The following CNTNAP2 variants were observed in gnomAD, a reference collection of about 807,000 sequenced individuals.
The protein encoded by CNTNAP2 is contactin associated protein 2, also known as contactin-associated protein-like 2.
CNTNAP2 carries 98 observed loss-of-function variants against 155.2 expected under a neutral mutation model. That is an observed-to-expected ratio of 0.63 (90% confidence interval 0.54 to 0.75). The LOEUF (loss-of-function observed/expected upper bound fraction) is 0.75, where lower values mean the gene tolerates loss of function less well. Ranked by LOEUF, CNTNAP2 falls within the 30% of genes least tolerant of loss-of-function variation. The pLI is 0.00. For synonymous variants in CNTNAP2, 651 were observed against 631.2 expected, an observed-to-expected ratio of 1.03 and a Z score of -0.47; for missense variants, 1,727 against 1,688.1, an observed-to-expected ratio of 1.02 and a Z score of -0.40.
chr7:146,580,642 G>A (rs928610414), intron 1 of CNTNAP2, among the ~76,000 whole-genome samples: 15 of 151,990 alleles, frequency 9.9e-5, no homozygotes, highest in South Asian at 6.2e-4. Context: ...TGTATGTTTC[G>A]TCTTAATATA....
At chr7:147,658,569 C>T (rs993606692) in intron 13 of CNTNAP2, among the ~76,000 whole-genome samples, 1 of 152,156 alleles carries the variant, frequency 6.6e-6, no homozygotes, top group Non-Finnish European at 1.5e-5. Context: ...AAGGACTGGA[C>T]ACTTCTGTTC....
At chr7:146,642,716 T>C (rs2129161652) in intron 1 of CNTNAP2, among the ~76,000 whole-genome samples, 1 of 152,242 alleles carries the variant, frequency 6.6e-6, no homozygotes, top group South Asian at 2.1e-4. Flanking sequence ...TAGTTCTAGA[T>C]CTCTGAGGAA....
chr7:146,881,237 T>G (rs17170287), intron 3 of CNTNAP2, among the ~76,000 whole-genome samples: 36,888 of 152,012 alleles, frequency 0.24, 5,140 homozygotes, highest in East Asian at 0.42. Context: ...TGTATTGGTT[T>G]TCTCAAGAAT....
At chr7:146,606,337 AT>A (rs1188237808) in intron 1 of CNTNAP2, among the ~76,000 whole-genome samples, 1 of 152,160 alleles carries the variant, frequency 6.6e-6, no homozygotes, top group Non-Finnish European at 1.5e-5. Flanking sequence ...ACATCAAGAC[AT>A]TTTCATGTAG....
chr7:148,126,840 A>G (rs537105514), intron 16 of CNTNAP2, among the ~76,000 whole-genome samples: 12 of 152,300 alleles, frequency 7.9e-5, no homozygotes, highest in African/African-American at 2.9e-4. Flanking sequence ...GAATAGGCCA[A>G]CTGTTCGCCT....
intron 1 of CNTNAP2, among the ~76,000 whole-genome samples, chr7:146,203,118 T>C (rs1462824339): frequency 1.3e-5 from 2 of 151,844 alleles, no homozygotes; most frequent in Non-Finnish European, 2.9e-5. Context: ...TGTGACCAAG[T>C]GAGCTTGGGT....
At chr7:146,853,615 C>T (rs754713209) in intron 3 of CNTNAP2, among the ~76,000 whole-genome samples, 1 of 152,160 alleles carries the variant, frequency 6.6e-6, no homozygotes, top group Admixed American at 6.5e-5. Flanking sequence ...ATTACTGTAA[C>T]AAGATCCTGA....
chr7:146,311,833 A>G (rs1023004585), intron 1 of CNTNAP2: 6 of 151,224 alleles, frequency 4.0e-5, no homozygotes, highest in African/African-American at 1.5e-4. Flanking sequence ...ATATATATAT[A>G]TATTAGATTT....
chr7:147,993,866 C>T (rs1158314445), intron 15 of CNTNAP2, among the ~76,000 whole-genome samples: 1 of 152,092 alleles, frequency 6.6e-6, no homozygotes, highest in Non-Finnish European at 1.5e-5. Flanking sequence ...GCCAGGCCTC[C>T]TTCCTACCTG....
intron 1 of CNTNAP2, among the ~76,000 whole-genome samples, chr7:146,615,905 T>G (rs944311199): frequency 6.6e-6 from 1 of 152,230 alleles, no homozygotes; most frequent in African/African-American, 2.4e-5. Flanking sequence ...ATCATACCAG[T>G]GCTTCCCTTG....
chr7:148,375,771 G>GATCGCATAAT (rs1165058242), intron 21 of CNTNAP2, among the ~76,000 whole-genome samples: 1 of 86,450 alleles, frequency 1.2e-5, no homozygotes, highest in Non-Finnish European at 2.9e-5. Context: ...GAGGCAGGTG[G>GATCGCATAAT]ATCACGAGGT....
chr7:147,058,582 G>A (rs1450643272), intron 4 of CNTNAP2, among the ~76,000 whole-genome samples: 2 of 151,996 alleles, frequency 1.3e-5, no homozygotes, highest in East Asian at 3.9e-4. Flanking sequence ...CACCTCAAAG[G>A]GTTCTTTTTT....
intron 1 of CNTNAP2, among the ~76,000 whole-genome samples, chr7:146,680,184 T>A (rs1800477372): frequency 6.6e-6 from 1 of 152,196 alleles, no homozygotes; most frequent in Non-Finnish European, 1.5e-5. Flanking sequence ...ATGAATTAGG[T>A]GATTTTGTCA....
At chr7:147,083,635 G>A (rs1177173732) in intron 4 of CNTNAP2, among the ~76,000 whole-genome samples, 2 of 143,214 alleles carry the variant, frequency 1.4e-5, no homozygotes, top group East Asian at 2.0e-4. Context: ...ATCTGTATGT[G>A]TGTATATATC....
chr7:147,634,524 C>A (rs1189191234), intron 12 of CNTNAP2, among the ~76,000 whole-genome samples: 2 of 151,744 alleles, frequency 1.3e-5, no homozygotes, highest in Admixed American at 6.6e-5. Context: ...ATGGGTGCAC[C>A]AAAATCTCAG....
intron 8 of CNTNAP2, among the ~76,000 whole-genome samples, chr7:147,204,924 C>T (rs145945402): frequency 2.3e-3 from 350 of 152,138 alleles, no homozygotes; most frequent in African/African-American, 8.1e-3. Flanking sequence ...CCTTGTTTAA[C>T]ATATTAAAGT....
At chr7:148,150,021 A>G (rs2116656310) in intron 17 of CNTNAP2, among the ~76,000 whole-genome samples, 1 of 150,368 alleles carries the variant, frequency 6.7e-6, no homozygotes, top group African/African-American at 2.4e-5. Context: ...CACATCTCTC[A>G]GATATGAGCT....
intron 8 of CNTNAP2, among the ~76,000 whole-genome samples, chr7:147,213,972 T>C (rs1803211578): frequency 6.6e-6 from 1 of 152,060 alleles, no homozygotes; most frequent in African/African-American, 2.4e-5. Context: ...CTCAGATGAT[T>C]GAATGGTGCC....
intron 17 of CNTNAP2, among the ~76,000 whole-genome samples, chr7:148,158,033 C>G (rs1040772659): frequency 6.6e-6 from 1 of 152,056 alleles, no homozygotes; most frequent in Non-Finnish European, 1.5e-5. Context: ...GCTATCTTCT[C>G]AATAGAACCA....
Sources: gnomAD v4.1 joint callset for allele counts (sites outside exome capture counted in the v4.1 genomes callset) on GRCh38, gnomAD v4.1.1 for gene constraint, MANE v1.5 for transcripts, NCBI Gene and HGNC (gene_info 2026-07-23, HGNC 2026-07-21) for gene names.